CEP152: variants seen among roughly 807,000 people sequenced by gnomAD.
CEP152 encodes the protein centrosomal protein of 152 kDa.
In CEP152, 132 loss-of-function variants were observed where a neutral mutation model predicts 188.9. The ratio of observed to expected loss-of-function variants is 0.70; its 90% CI spans 0.61 to 0.81. The LOEUF is 0.81. CEP152 is among the 30% of genes least tolerant of loss of function. CEP152 has a pLI of 0.00. For missense variants in CEP152, 1,914 were observed against 1,969.8 expected, an observed-to-expected ratio of 0.97 and a Z score of 0.54; for synonymous variants, 649 against 666.6, an observed-to-expected ratio of 0.97 and a Z score of 0.41.
At chr15:48,767,977 A>G (rs1174617850) in intron 15 of CEP152, among the ~76,000 whole-genome samples, 4 of 152,214 alleles carry the variant, frequency 2.6e-5, no homozygotes, top group African/African-American at 9.6e-5. Context: ...AACCTATAAT[A>G]TTTCAGTGAA....
At chr15:48,744,373 A>C in intron 23 of CEP152, 30 bp from the exon 24 acceptor site, 1 of 1,613,520 alleles carries the variant, frequency 6.2e-7, no homozygotes, top group Non-Finnish European at 8.5e-7. Flanking sequence ...TTACAAAAAC[A>C]GAAATGGTAA....
At chr15:48,752,496 T>G (rs761125300) in intron 20 of CEP152, 27 bp from the exon 21 acceptor site, 1 of 1,611,450 alleles carries the variant, frequency 6.2e-7, no homozygotes, top group Non-Finnish European at 8.5e-7. Context: ...TCAAAGTTAA[T>G]GCTTAGTAAA....
intron 8 of CEP152, among the ~76,000 whole-genome samples, chr15:48,790,790 A>T (rs1896943797): frequency 6.6e-6 from 1 of 152,014 alleles, no homozygotes; most frequent in Non-Finnish European, 1.5e-5. Flanking sequence ...CTGGTCTCAA[A>T]CTCCTGACCT....
In CEP152 at chr15:48,762,604, T is replaced by C; in HGVS notation, c.2349A>G (p.Ala783=). The change falls in exon 18 of 27, where the codon GCA becomes GCG. Residue 783 remains alanine (A), a synonymous_variant. Coordinates refer to ENST00000380950, the MANE Select transcript of CEP152 (RefSeq NM_001194998.2). ...CACAATCTAAGGTCTTCTTTTTCATTGCCTTTATAGTTTGATCCAGCTTAG... is the reference window on the plus strand; with the variant it reads ...CACAATCTAAGGTCTTCTTTTTCATCGCCTTTATAGTTTGATCCAGCTTAG... The part of the protein sequence containing the change: ...WQSKLDQTIK[A]MKKKTLDCGS... 1 of 1,614,084 alleles carries C rather than the reference T, an allele frequency of 6.2e-7. No individual in the cohort carries two copies. The highest frequency in any genetic ancestry group is 8.5e-7 in the Non-Finnish European group (1 of 1,180,002).
chr15:48,730,443 C>T (rs894072918), intron 2 of CEP152, among the ~76,000 whole-genome samples: 17 of 152,206 alleles, frequency 1.1e-4, no homozygotes, highest in African/African-American at 3.6e-4. Context: ...ATAAGCTCTC[C>T]GCATATCTCT....
chr15:48,763,931 C>T (rs1894877264), intron 17 of CEP152, among the ~76,000 whole-genome samples: 1 of 152,058 alleles, frequency 6.6e-6, no homozygotes, highest in African/African-American at 2.4e-5. Flanking sequence ...AATCATTCCA[C>T]AATATGAAAT....
At position 48,739,177 on chromosome 15, in the gene CEP152, A is replaced by T; in HGVS notation, c.4205T>A (p.Ile1402Asn). The T allele has an allele frequency of 6.2e-7, 1 of 1,614,142 alleles. No homozygotes were observed. The highest frequency in any genetic ancestry group is 1.3e-5 in the African/African-American group (1 of 75,062). ...AGCTTGTTCGCACAGAGTTCTGGTG[A>T]TGGTGTTTACACTATTTGATTTGCT... ...IESKSNSVNT[I>N]TRTLCEQAPK... Residue 1402 changes from isoleucine to asparagine, a missense_variant, in exon 27 of 27, where the codon ATC becomes AAC. Physicochemically the swap from Ile to Asn is moderately radical, Grantham distance 149. Coordinates refer to ENST00000380950, the MANE Select transcript of CEP152 (RefSeq NM_001194998.2).
intron 8 of CEP152, chr15:48,789,405 C>A (rs967448809): frequency 5.9e-5 from 14 of 239,102 alleles, no homozygotes; most frequent in African/African-American, 2.9e-4. Context: ...CCTTGAAAGA[C>A]TGATGAAACC....
chr15:48,732,125 C>T (rs755637417), intron 2 of CEP152, among the ~76,000 whole-genome samples: 13 of 152,138 alleles, frequency 8.5e-5, no homozygotes, highest in African/African-American at 2.9e-4. Flanking sequence ...GACAGTATGG[C>T]GATTCCTCAA....
intron 11 of CEP152, 143 bp from the exon 12 acceptor site, chr15:48,781,502 T>C: frequency 1.6e-6 from 1 of 637,600 alleles, no homozygotes. Flanking sequence ...TTATACTTTA[T>C]AAAGGTCGGC....
intron 26 of CEP152, 31 bp downstream of exon 26, chr15:48,741,570 A>C (rs1383079409): frequency 1.5e-5 from 25 of 1,613,900 alleles, no homozygotes; most frequent in Non-Finnish European, 2.1e-5. Flanking sequence ...GAAAAGATAG[A>C]AAAACCATTT....
intron 8 of CEP152, among the ~76,000 whole-genome samples, chr15:48,790,607 C>G (rs1206921458): frequency 6.6e-6 from 1 of 152,154 alleles, no homozygotes; most frequent in African/African-American, 2.4e-5. Context: ...GCTCTCGTCC[C>G]CCAGGCTGGA....
At chr15:48,730,505 G>A (rs1892386623) in intron 2 of CEP152, among the ~76,000 whole-genome samples, 1 of 152,172 alleles carries the variant, frequency 6.6e-6, no homozygotes. Context: ...GAAAGCCCAT[G>A]CTCACCACAT....
chr15:48,738,487 C>T lies in CEP152; in HGVS notation c.4895G>A (p.Cys1632Tyr), dbSNP rs1892723164. ...ESNMICQTMK[C>Y]QRYQTPYLSE... ...CAGGTATGGAGTTTGATAACGCTGA[C>T]ATTTCATTGTTTGACAAATCATATT... Residue 1632 changes from cysteine to tyrosine, a missense_variant, in exon 27 of 27, where the codon TGT (cysteine) becomes TAT (tyrosine). Physicochemically the swap from Cys to Tyr is radical, Grantham distance 194. Transcript: ENST00000380950. The T allele has an allele frequency of 6.2e-7, 1 of 1,614,216 alleles. No individual in the cohort carries two copies. Among genetic ancestry groups the T allele is most frequent in the Non-Finnish European group, 8.5e-7 (1 of 1,180,034 alleles).
At chr15:48,785,016 G>A (rs1170231142) in intron 9 of CEP152, among the ~76,000 whole-genome samples, 4 of 152,136 alleles carry the variant, frequency 2.6e-5, no homozygotes, top group Non-Finnish European at 4.4e-5. Context: ...AGAGGCAGAG[G>A]AATGAGTTAA....
chr15:48,742,191 T>C (rs1893028752), intron 24 of CEP152, 91 bp from the exon 25 acceptor site: 2 of 1,125,234 alleles, frequency 1.8e-6, no homozygotes, highest in Non-Finnish European at 1.4e-6. Context: ...AATTTTCTGG[T>C]AGATGAAGTG....
chr15:48,787,163 G>GTTTTTTTGT (rs1896701171), intron 9 of CEP152, among the ~76,000 whole-genome samples: 4 of 101,522 alleles, frequency 3.9e-5, no homozygotes, highest in African/African-American at 1.5e-4. Context: ...TATAGCCTTC[G>GTTTTTTTGT]TTTTTTTTTT....
chr15:48,741,329 T>C, intron 26 of CEP152: 2 of 1,232,052 alleles, frequency 1.6e-6, no homozygotes, highest in Non-Finnish European at 2.0e-6. Flanking sequence ...TATAATTTCT[T>C]CTTTTTCTCA....
In CEP152 at chr15:48,738,952, T is replaced by C; in HGVS notation, c.4430A>G (p.Lys1477Arg). 1.2e-6 allele frequency: 2 copies of C among 1,614,006 alleles called. No homozygotes were observed. Among genetic ancestry groups the C allele is most frequent in the Non-Finnish European group, 1.7e-6 (2 of 1,179,916 alleles). The change falls in exon 27 of 27, where the codon AAG (lysine) becomes AGG (arginine). Residue 1477 changes from lysine to arginine, a missense_variant. Transcript: ENST00000380950. ...ATTATCACTGAGTAGGTCTTTCTTC[T>C]TGTGCAAACCAAAGCCTCCTTCACC... Reference protein sequence around the residue: ...CEGEGGFGLHKKKDLLSDNGS... With the variant: ...CEGEGGFGLHRKKDLLSDNGS...
Sources: allele counts gnomAD v4.1 joint callset (sites outside exome capture counted in the v4.1 genomes callset), GRCh38; gene constraint gnomAD v4.1.1; transcripts MANE v1.5; gene names NCBI Gene and HGNC (gene_info 2026-07-23, HGNC 2026-07-21).